DPP6: variants seen among roughly 807,000 people sequenced by gnomAD.
DPP6 encodes A-type potassium channel modulatory protein DPP6.
DPP6 carries 69 observed loss-of-function variants against 122.6 expected under a neutral mutation model. That is an observed-to-expected ratio of 0.56 (90% CI 0.46 to 0.69). The LOEUF (loss-of-function observed/expected upper bound fraction) is 0.69, where lower values mean the gene tolerates loss of function less well. Ranked by LOEUF, DPP6 falls within the 30% of genes least tolerant of loss-of-function variation. DPP6 has a pLI of 0.00. For synonymous variants in DPP6, 418 were observed against 433.1 expected (o/e 0.97, Z 0.43); for missense variants, 928 against 1,116.9 (o/e 0.83, Z 2.41).
intron 1 of DPP6, among the ~76,000 whole-genome samples, chr7:153,927,718 G>A (rs1399756646): frequency 1.3e-5 from 2 of 152,104 alleles, no homozygotes; most frequent in African/African-American, 2.4e-5. Context: ...AACCACCCTA[G>A]GAAGACTTTG....
intron 6 of DPP6, among the ~76,000 whole-genome samples, chr7:154,650,933 G>C (rs899798491): frequency 6.6e-6 from 1 of 152,082 alleles, no homozygotes; most frequent in Non-Finnish European, 1.5e-5. Context: ...AGACAACCAA[G>C]GTCCCAATTT....
intron 16 of DPP6, among the ~76,000 whole-genome samples, chr7:154,824,031 T>G (rs1196811275): frequency 6.6e-6 from 1 of 152,230 alleles, no homozygotes; most frequent in East Asian, 1.9e-4. Flanking sequence ...AGTTGATCTT[T>G]GTCAGTCCCT....
At chr7:154,131,508 T>C (rs1302596458) in intron 1 of DPP6, among the ~76,000 whole-genome samples, 3 of 152,270 alleles carry the variant, frequency 2.0e-5, no homozygotes, top group African/African-American at 7.2e-5. Context: ...AAGGCCCACG[T>C]GGAACTAGGT....
At chr7:153,921,020 C>T (rs1800613890) in intron 1 of DPP6, among the ~76,000 whole-genome samples, 1 of 152,264 alleles carries the variant, frequency 6.6e-6, no homozygotes. Flanking sequence ...TTGTATTTAT[C>T]TTTCACAATT....
intron 1 of DPP6, among the ~76,000 whole-genome samples, chr7:154,093,443 T>C (rs1236067005): frequency 1.7e-5 from 2 of 114,544 alleles, no homozygotes; most frequent in Non-Finnish European, 1.8e-5. Flanking sequence ...ACATACCACA[T>C]CACATACCAC....
chr7:154,041,185 C>T (rs1260020004), intron 1 of DPP6, among the ~76,000 whole-genome samples: 4 of 152,162 alleles, frequency 2.6e-5, no homozygotes, highest in Non-Finnish European at 5.9e-5. Flanking sequence ...GTTCTCTTCT[C>T]TTCACATATT....
At chr7:154,472,152 T>C (rs1330219919) in intron 2 of DPP6, among the ~76,000 whole-genome samples, 3 of 152,248 alleles carry the variant, frequency 2.0e-5, no homozygotes, top group African/African-American at 7.2e-5. Flanking sequence ...GTATTCCTGA[T>C]GTGAAGAAAA....
chr7:153,912,351 G>C (rs1800128659), intron 1 of DPP6, among the ~76,000 whole-genome samples: 1 of 152,188 alleles, frequency 6.6e-6, no homozygotes, highest in Admixed American at 6.5e-5. Context: ...GAGAGGGGAG[G>C]TCAGAGAGAA....
intron 1 of DPP6, among the ~76,000 whole-genome samples, chr7:154,113,412 T>TACAC (rs60229672): frequency 9.2e-5 from 13 of 141,472 alleles, no homozygotes; most frequent in Admixed American, 4.3e-4. Flanking sequence ...TATATATATA[T>TACAC]ACACACACAC....
intron 1 of DPP6, among the ~76,000 whole-genome samples, chr7:154,102,944 A>G (rs1402058731): frequency 1.3e-5 from 2 of 152,136 alleles, no homozygotes; most frequent in Non-Finnish European, 2.9e-5. Flanking sequence ...AGAGCAGTGA[A>G]CAGGGTGTCC....
intron 1 of DPP6, chr7:154,305,192 T>TG (rs1273847893): frequency 4.8e-6 from 5 of 1,050,850 alleles, no homozygotes; most frequent in Non-Finnish European, 1.2e-6. Context: ...AGCCGCCACT[T>TG]GCCGGTTGCT....
chr7:154,499,328 G>A (rs1316385432), intron 3 of DPP6, among the ~76,000 whole-genome samples: 1 of 152,152 alleles, frequency 6.6e-6, no homozygotes, highest in Non-Finnish European at 1.5e-5. Flanking sequence ...CTGCCCCCCT[G>A]CCTTCTAGGA....
the DPP6 span, among the ~76,000 whole-genome samples, chr7:153,826,067 A>G: frequency 6.6e-6 from 1 of 152,348 alleles, no homozygotes; most frequent in South Asian, 2.1e-4. Context: ...GTCTTCATAT[A>G]AAGGCAGCAT....
chr7:154,608,177 C>T (rs1327244274), intron 5 of DPP6, among the ~76,000 whole-genome samples: 9 of 150,036 alleles, frequency 6.0e-5, no homozygotes, highest in Admixed American at 1.3e-4. Context: ...GATGGGGTTT[C>T]CCTGTGTTAG....
intron 3 of DPP6, among the ~76,000 whole-genome samples, chr7:154,487,634 C>G (rs957849098): frequency 2.0e-5 from 3 of 152,180 alleles, no homozygotes; most frequent in African/African-American, 7.2e-5. Context: ...CTGCCGCGTC[C>G]TCTTTTTAGA....
chr7:154,801,412 C>T lies in DPP6; in HGVS notation c.1357C>T (p.Pro453Ser). 1 of 1,597,208 alleles carries T rather than the reference C, an allele frequency of 6.3e-7. No individual in the cohort carries two copies. Among genetic ancestry groups the T allele is most frequent in the Non-Finnish European group, 8.5e-7 (1 of 1,171,256 alleles). ...GRKFFFIRAIPQGGRGKFYHI... is the reference protein window; with the variant it reads ...GRKFFFIRAISQGGRGKFYHI... ...AAAGTTTTTCTTCATCAGAGCCATC[C>T]CCCAGGGAGGACGAGGGAAATTCTA... Residue 453 changes from proline (P) to serine (S), a missense_variant, in exon 13 of 26, where the codon CCC (proline) becomes TCC (serine). Coordinates refer to ENST00000377770, the MANE Select transcript of DPP6 (RefSeq NM_130797.4).
chr7:153,880,250 C>T, the DPP6 span, among the ~76,000 whole-genome samples: 1 of 152,126 alleles, frequency 6.6e-6, no homozygotes, highest in African/African-American at 2.4e-5. Flanking sequence ...GACCATTGCT[C>T]TTCTATAAAA....
chr7:154,492,096 A>G (rs1479158329), intron 3 of DPP6, among the ~76,000 whole-genome samples: 3 of 152,164 alleles, frequency 2.0e-5, no homozygotes, highest in Non-Finnish European at 4.4e-5. Context: ...TAAAGCTCTG[A>G]TTTGTTAGAT....
intron 10 of DPP6, among the ~76,000 whole-genome samples, chr7:154,782,810 G>A (rs1470041643): frequency 6.6e-6 from 1 of 151,974 alleles, no homozygotes; most frequent in African/African-American, 2.4e-5. Flanking sequence ...TTGAGACAGA[G>A]CCTCGCTCTG....
Sources: allele counts gnomAD v4.1 joint callset (sites outside exome capture counted in the v4.1 genomes callset), GRCh38; gene constraint gnomAD v4.1.1; transcripts MANE v1.5; gene names NCBI Gene and HGNC (gene_info 2026-07-23, HGNC 2026-07-21).